NT5E: variants seen among roughly 807,000 people sequenced by gnomAD.
NT5E encodes 5'-nucleotidase.
A neutral mutation model predicts 55.1 loss-of-function variants in NT5E; 53 were observed. The observed-to-expected ratio is 0.96, with a 90% CI of 0.77 to 1.21. The LOEUF (loss-of-function observed/expected upper bound fraction) is 1.21. Ranked by LOEUF, NT5E falls within the 50% of genes most tolerant of loss-of-function variation. The pLI, the probability that NT5E is intolerant of heterozygous loss-of-function variation, is 0.00. For synonymous variants in NT5E, 270 were observed against 278.4 expected, an observed-to-expected ratio of 0.97 and a Z score of 0.30; for missense variants, 683 against 724.3, an observed-to-expected ratio of 0.94 and a Z score of 0.65.
intron 3 of NT5E, among the ~76,000 whole-genome samples, chr6:85,479,006 A>C (rs1291592653): frequency 6.6e-6 from 1 of 152,124 alleles, no homozygotes; most frequent in Non-Finnish European, 1.5e-5. Context: ...TAATTCACAG[A>C]AATTATATTG....
intron 3 of NT5E, among the ~76,000 whole-genome samples, chr6:85,476,017 T>C (rs1322366637): frequency 6.6e-6 from 1 of 152,210 alleles, no homozygotes; most frequent in Non-Finnish European, 1.5e-5. Flanking sequence ...TCAGACCTTC[T>C]GTCCCCTGTC....
chr6:85,482,413 G>A (rs1769568467), intron 3 of NT5E, among the ~76,000 whole-genome samples: 1 of 151,752 alleles, frequency 6.6e-6, no homozygotes, highest in East Asian at 1.9e-4. Flanking sequence ...GGGAGGGAAG[G>A]TGGAAGAAAG....
intron 1 of NT5E, 139 bp from the exon 2 acceptor site, chr6:85,466,921 G>A: frequency 1.3e-6 from 1 of 777,946 alleles, no homozygotes; most frequent in Non-Finnish European, 2.2e-6. Context: ...TGATCTGAAT[G>A]TCCCTGGGCC....
At position 85,490,662 on chromosome 6, in the gene NT5E, G is replaced by C. The variant is rs1360319925; in HGVS notation, c.1360+5G>C. ...GAGAGTTCCTGCAGGTGGGCGGTAA[G>C]TCACCCATCCTGTAGGGCTGGCCCA... On this transcript the variant is annotated splice_donor_5th_base_variant and intron_variant, in intron 7 of 8. Coordinates refer to ENST00000257770, the MANE Select transcript of NT5E (RefSeq NM_002526.4). 1.2e-6 allele frequency: 2 copies of C among 1,613,714 alleles called. No homozygotes were observed. Among genetic ancestry groups the C allele is most frequent in the African/African-American group, 2.7e-5 (2 of 74,942 alleles).
intron 1 of NT5E, among the ~76,000 whole-genome samples, chr6:85,461,572 A>C (rs1769098609): frequency 6.6e-6 from 1 of 152,238 alleles, no homozygotes; most frequent in African/African-American, 2.4e-5. Context: ...TGAGGAGATC[A>C]CCATGGCCCA....
rs117191092 is a variant in NT5E at position 85,465,052 on chromosome 6, C to T, written c.340-2008C>T. Among the ~76,000 whole-genome samples the T allele has an allele frequency of 5.9e-3, 896 of 152,230 alleles. 11 individuals carry two copies. The highest frequency in any genetic ancestry group is 8.4e-3 in the Non-Finnish European group (574 of 68,002). ...GAGAAAAGTCAGGGCTGGAGATTTT[C>T]GGTTTACAGTTGAAGGTATGAGTAG... On this transcript the variant is annotated intron_variant, in intron 1 of 8. Coordinates refer to ENST00000257770, the MANE Select transcript of NT5E (RefSeq NM_002526.4).
In NT5E at chr6:85,495,537, G is replaced by C. The variant is rs575476234; in HGVS notation, c.*1533G>C. The C allele has an allele frequency of 4.6e-4, 70 of 152,130 alleles. No individual in the cohort carries two copies. Among genetic ancestry groups the C allele is most frequent in the African/African-American group, 1.6e-3 (66 of 41,490 alleles). 9.4% of individuals were successfully genotyped at this position (152,130 alleles called of 1,614,324 possible). A position where few individuals can be genotyped will look rare whatever the true frequency, so the allele number is the denominator to read the frequency against. On this transcript the variant is annotated 3_prime_UTR_variant, in exon 9 of 9. Transcript: ENST00000257770. The stretch of plus-strand genomic sequence containing the variant: ...GTTGTTGCAGCAAAATAATAGCCTC[G>C]GTTCTATGCATATATGGATTAGCTA...
chr6:85,467,005 C>A, intron 1 of NT5E, 55 bp from the exon 2 acceptor site: 1 of 1,491,632 alleles, frequency 6.7e-7, no homozygotes, highest in Non-Finnish European at 9.3e-7. Flanking sequence ...AAATACTGGA[C>A]TAATGTTATG....
chr6:85,492,821 G>A (rs1387939648), intron 8 of NT5E, among the ~76,000 whole-genome samples: 2 of 152,180 alleles, frequency 1.3e-5, no homozygotes, highest in Admixed American at 6.5e-5. Context: ...AGACACACAA[G>A]CAGCTTCTTG....
intron 1 of NT5E, among the ~76,000 whole-genome samples, chr6:85,459,120 G>A (rs1467128115): frequency 6.6e-6 from 1 of 152,118 alleles, no homozygotes; most frequent in African/African-American, 2.4e-5. Flanking sequence ...AAATCAGGCT[G>A]TCTCTCTTTA....
intron 3 of NT5E, among the ~76,000 whole-genome samples, chr6:85,482,362 G>T (rs2127723638): frequency 6.9e-6 from 1 of 145,084 alleles, no homozygotes; most frequent in East Asian, 2.0e-4. Flanking sequence ...AAGAAAGAAA[G>T]AAAAAAGAGG....
chr6:85,493,147 T>C (rs760563284), intron 8 of NT5E, among the ~76,000 whole-genome samples: 3 of 152,214 alleles, frequency 2.0e-5, no homozygotes, highest in Non-Finnish European at 4.4e-5. Flanking sequence ...ACACTGGTTA[T>C]ACATTAGAAT....
intron 3 of NT5E, among the ~76,000 whole-genome samples, chr6:85,484,625 A>G (rs991333048): frequency 5.3e-5 from 8 of 152,202 alleles, no homozygotes; most frequent in African/African-American, 1.9e-4. Flanking sequence ...AAACGCCAAG[A>G]ACAGCTCTTT....
Position 85,493,986 on chromosome 6 carries a change from C to A in NT5E, c.1707C>A (p.Ile569=). The A allele has an allele frequency of 1.9e-6, 3 of 1,613,892 alleles. No homozygotes were observed. The highest frequency in any genetic ancestry group is 1.7e-6 in the Non-Finnish European group (2 of 1,179,920). The change falls in exon 9 of 9, where the codon ATC becomes ATA. Residue 569 remains isoleucine, a synonymous_variant. Transcript: ENST00000257770. ...SLIFLSLWAV[I]FVLYQ Reference sequence around the variant, plus strand: ...TATTTCTTTCACTTTGGGCAGTGATCTTTGTTTTATACCAATAGCCAAAAA... The same window carrying A: ...TATTTCTTTCACTTTGGGCAGTGATATTTGTTTTATACCAATAGCCAAAAA...
chr6:85,487,360 C>A lies in NT5E; in HGVS notation c.975C>A (p.Asn325Lys), dbSNP rs753126074. ...PEDPSIKADI[N>K]KWRIKLDNYS... ...ATCCAAGCATAAAAGCAGACATTAA[C>A]AAATGGAGGATAAAATTGGATAATT... The change falls in exon 5 of 9, where the codon AAC (asparagine) becomes AAA (lysine). Residue 325 changes from asparagine to lysine, a missense_variant. Transcript: ENST00000257770. 6.2e-7 allele frequency: 1 copy of A among 1,613,410 alleles called. No homozygotes were observed. Among genetic ancestry groups the A allele is most frequent in the Non-Finnish European group, 8.5e-7 (1 of 1,179,504 alleles).
chr6:85,487,309 A>G lies in NT5E; in HGVS notation c.950-26A>G. 3 of 1,595,544 alleles carry G rather than the reference A, an allele frequency of 1.9e-6. No individual in the cohort carries two copies. The South Asian group carries it at 3.3e-5, about 18-fold the overall frequency. On this transcript the variant is annotated intron_variant, in intron 4 of 8. Transcript: ENST00000257770. Reference sequence around the variant, plus strand: ...TTAGCCCAGTGTGAGATTTAATTGTAGGGTACCTTCTTTTCTTTCTTCTAG... The same window carrying G: ...TTAGCCCAGTGTGAGATTTAATTGTGGGGTACCTTCTTTTCTTTCTTCTAG...
Position 85,490,488 on chromosome 6 carries a change from T to C in NT5E, c.1211-20T>C. The C allele has an allele frequency of 6.2e-7, 1 of 1,614,126 alleles. No homozygotes were observed. The highest frequency in any genetic ancestry group is 1.3e-5 in the African/African-American group (1 of 75,066). The stretch of plus-strand genomic sequence containing the variant: ...TTCTCAAGCTATTTTCCTTCTTGCC[T>C]CATCTGTGACTACCCTCAGGCACAA... On this transcript the variant is annotated intron_variant, in intron 6 of 8. Transcript: ENST00000257770.
chr6:85,481,665 G>A (rs1222571209), intron 3 of NT5E, among the ~76,000 whole-genome samples: 1 of 152,174 alleles, frequency 6.6e-6, no homozygotes, highest in Non-Finnish European at 1.5e-5. Flanking sequence ...ACGTGGGTGT[G>A]GTCTAGGAAT....
intron 1 of NT5E, among the ~76,000 whole-genome samples, chr6:85,466,340 A>C (rs1769192804): frequency 6.6e-6 from 1 of 152,208 alleles, no homozygotes; most frequent in African/African-American, 2.4e-5. Context: ...CGCTGGGAGC[A>C]GGTACAGAAC....
Sources: allele counts gnomAD v4.1 joint callset (sites outside exome capture counted in the v4.1 genomes callset), GRCh38; gene constraint gnomAD v4.1.1; transcripts MANE v1.5; gene names NCBI Gene and HGNC (gene_info 2026-07-23, HGNC 2026-07-21).